The following ATP13A3 variants were observed in gnomAD, a reference collection of about 807,000 sequenced individuals.
ATP13A3 encodes polyamine-transporting ATPase 13A3.
In ATP13A3, 59 loss-of-function variants were observed where a neutral mutation model predicts 158.1. The observed-to-expected ratio is 0.37, with a 90% confidence interval of 0.30 to 0.46. The LOEUF (loss-of-function observed/expected upper bound fraction) is 0.46, where lower values mean the gene tolerates loss of function less well. Ranked by LOEUF, ATP13A3 falls within the 20% of genes least tolerant of loss-of-function variation. The pLI, the probability that ATP13A3 is intolerant of heterozygous loss-of-function variation, is 1.00. For synonymous variants in ATP13A3, 491 were observed against 504.3 expected (o/e 0.97, Z 0.35); for missense variants, 1,166 against 1,525.2 (o/e 0.76, Z 3.92).
At chr3:194,419,135 T>C (rs1430556185) in intron 31 of ATP13A3, among the ~76,000 whole-genome samples, 2 of 152,032 alleles carry the variant, frequency 1.3e-5, no homozygotes, top group South Asian at 2.1e-4. Flanking sequence ...GAAAATAAAA[T>C]AATGTATCAA....
rs181205045 is a variant in ATP13A3 at position 194,456,974 on chromosome 3, C to T, written c.560+120G>A. 411 of 558,132 alleles carry T rather than the reference C, an allele frequency of 7.4e-4. 2 individuals are homozygous for T. The African/African-American group carries it at 7.6e-3, about 10-fold the overall frequency. The allele number at this position is 558,132 out of a possible 1,614,324, so 34.6% of individuals were successfully genotyped here. Reference sequence around the variant, plus strand: ...TAAAACATCAATAAATTCTCAACTACTATGTCTGTAATATTTAAGTATCTG... The same window carrying T: ...TAAAACATCAATAAATTCTCAACTATTATGTCTGTAATATTTAAGTATCTG... On this transcript the variant is annotated intron_variant, in intron 7 of 33. Transcript: ENST00000645319.
At position 194,494,041 on chromosome 3, in the gene ATP13A3, A is replaced by G. The variant is rs1301898165; in HGVS notation, n.746+9T>C. On this transcript the variant is annotated intron_variant and non_coding_transcript_variant, in intron 2 of 32. Transcript: ENST00000687055. This position sits in a 1 kb window ranked among gnomAD's most constrained non-coding sequence, Gnocchi z 4.2. ...TACAGAATGGAAAAAGAGGTGTTCA[A>G]TAACTCACCCGAAAGCACAGCCAGG... The G allele has an allele frequency of 7.5e-6, 3 of 397,706 alleles. No individual in the cohort carries two copies. The highest frequency in any genetic ancestry group is 4.4e-5 in the Admixed American group (1 of 22,714). The allele number at this position is 397,706 out of a possible 1,614,324, so 24.6% of individuals were successfully genotyped here.
In ATP13A3 at chr3:194,413,840, C is replaced by G; in HGVS notation, c.3403-1G>C. The G allele has an allele frequency of 1.2e-6, 2 of 1,612,216 alleles. No homozygotes were observed. Among genetic ancestry groups the G allele is most frequent in the Non-Finnish European group, 1.7e-6 (2 of 1,178,376 alleles). On this transcript the variant is annotated splice_acceptor_variant, in intron 31 of 33. Coordinates refer to ENST00000645319, the MANE Select transcript of ATP13A3 (RefSeq NM_001367549.1). LOFTEE classifies it high-confidence loss of function. ...GCCACTGATATGGTACACACACTAT[C>G]TGTAATGCAAAAACATTTTAAAGTT... is the stretch of plus-strand genomic sequence containing the variant.
In ATP13A3 at chr3:194,465,727, G is replaced by A. The variant is rs936408141; in HGVS notation, c.-46-3491C>T. On this transcript the variant is annotated intron_variant, in intron 2 of 33. Coordinates refer to ENST00000645319, the MANE Select transcript of ATP13A3 (RefSeq NM_001367549.1). Reference sequence around the variant, plus strand: ...GTTTGTAATCCCAGCTCTTTGGGAGGCTGGTGCGGGCAGATCACCTGAGGC... The same window carrying A: ...GTTTGTAATCCCAGCTCTTTGGGAGACTGGTGCGGGCAGATCACCTGAGGC... Among the ~76,000 whole-genome samples the A allele has an allele frequency of 3.3e-5, 5 of 152,182 alleles. No homozygotes were observed. The East Asian group carries it at 9.6e-4, about 29-fold the overall frequency.
chr3:194,435,489 G>A (rs766078701), intron 20 of ATP13A3, among the ~76,000 whole-genome samples: 6 of 152,114 alleles, frequency 3.9e-5, no homozygotes, highest in Non-Finnish European at 7.4e-5. Context: ...AGAGGTCTCG[G>A]TGGAAGAGTA....
intron 30 of ATP13A3, 117 bp downstream of exon 30, chr3:194,425,225 G>A: frequency 1.0e-6 from 1 of 994,760 alleles, no homozygotes; most frequent in Non-Finnish European, 1.5e-6. Context: ...AAATCACTAA[G>A]TTGATTCTAT....
chr3:194,466,522 T>G (rs1004122479), intron 2 of ATP13A3, among the ~76,000 whole-genome samples: 1 of 152,180 alleles, frequency 6.6e-6, no homozygotes, highest in Admixed American at 6.5e-5. Flanking sequence ...AAATTAAAAT[T>G]TTTTAAATTA....
chr3:194,445,160 C>T (rs1318743208), intron 14 of ATP13A3, among the ~76,000 whole-genome samples: 1 of 151,990 alleles, frequency 6.6e-6, no homozygotes, highest in Non-Finnish European at 1.5e-5. Flanking sequence ...ATAAGGAGGG[C>T]CAAGAGGAAC....
intron 30 of ATP13A3, among the ~76,000 whole-genome samples, chr3:194,420,627 G>C (rs1716222258): frequency 6.6e-6 from 1 of 151,986 alleles, no homozygotes; most frequent in East Asian, 1.9e-4. Context: ...ATGGGAGCTG[G>C]GAATGGCAAA....
intron 21 of ATP13A3, among the ~76,000 whole-genome samples, chr3:194,433,336 C>T (rs1259181954): frequency 6.6e-6 from 1 of 150,566 alleles, no homozygotes; most frequent in African/African-American, 2.4e-5. Context: ...CTCCGCTTCC[C>T]GGGTTCACGC....
intron 33 of ATP13A3, among the ~76,000 whole-genome samples, chr3:194,407,750 A>C (rs1361643914): frequency 6.6e-6 from 1 of 152,224 alleles, no homozygotes; most frequent in Non-Finnish European, 1.5e-5. Context: ...TTTTACTGTC[A>C]TAACTAAAGA....
intron 31 of ATP13A3, among the ~76,000 whole-genome samples, chr3:194,418,622 C>T (rs776842058): frequency 6.6e-6 from 1 of 152,134 alleles, no homozygotes; most frequent in Non-Finnish European, 1.5e-5. Context: ...CATGATATAA[C>T]ATTTTACACC....
upstream of ATP13A3, among the ~76,000 whole-genome samples, chr3:194,487,166 G>A (rs1013762918): frequency 6.6e-6 from 1 of 152,294 alleles, no homozygotes; most frequent in African/African-American, 2.4e-5. Flanking sequence ...AAGAAAGAAA[G>A]AGGCAGGTAA....
At chr3:194,471,324 TAAA>T (rs59967046) in intron 2 of ATP13A3, among the ~76,000 whole-genome samples, 6,550 of 88,190 alleles carry the variant, frequency 0.074, 432 homozygotes, top group African/African-American at 0.19. Flanking sequence ...CAGCAAATTC[TAAA>T]AAAAAAAAAA....
chr3:194,408,565 G>C (rs1715122875), intron 33 of ATP13A3, among the ~76,000 whole-genome samples: 1 of 152,130 alleles, frequency 6.6e-6, no homozygotes, highest in African/African-American at 2.4e-5. Flanking sequence ...TAATTTATTT[G>C]CAAATAGAAC....
chr3:194,489,148 CA>C (rs1721116644), upstream of ATP13A3, among the ~76,000 whole-genome samples: 3 of 152,208 alleles, frequency 2.0e-5, no homozygotes, highest in African/African-American at 4.8e-5. The surrounding 1 kb of genome is among the most constrained non-coding windows in gnomAD (Gnocchi z 4.1). Context: ...TAATAAGCCT[CA>C]AATTCCTATG....
At chr3:194,447,684 T>A (rs995110784) in intron 13 of ATP13A3, among the ~76,000 whole-genome samples, 168 bp downstream of exon 13, 24 of 152,136 alleles carry the variant, frequency 1.6e-4, no homozygotes, top group African/African-American at 5.6e-4. Context: ...CTGGGCTTTC[T>A]AATATCATAG....
chr3:194,450,275 T>A lies in ATP13A3; in HGVS notation c.840A>T (p.Glu280Asp), dbSNP rs763802985. 1.2e-5 allele frequency: 19 copies of A among 1,610,702 alleles called. No individual in the cohort carries two copies. Among genetic ancestry groups the A allele is most frequent in the Admixed American group, 1.2e-4 (7 of 59,606 alleles). Residue 280 changes from glutamate to aspartate, a missense_variant and splice_region_variant, in exon 11 of 34, where the codon GAA (glutamate) becomes GAT (aspartate). Glu to Asp is a conservative substitution (Grantham distance 45, BLOSUM62 2). Coordinates refer to ENST00000645319, the MANE Select transcript of ATP13A3 (RefSeq NM_001367549.1). ...GGTCGGTAGAAAAGATTTCTTCTAT[T>A]TCTGAAATTAAAGAAAGAAAGAAAA... The part of the protein sequence containing the change: ...VRVSVCRVNE[E>D]IEEIFSTDLV...
At chr3:194,449,414 T>C (rs1718643736) in intron 11 of ATP13A3, among the ~76,000 whole-genome samples, 1 of 152,222 alleles carries the variant, frequency 6.6e-6, no homozygotes, top group African/African-American at 2.4e-5. Flanking sequence ...GCACAGTGGC[T>C]CACGCCTGTA....
Sources: gnomAD v4.1 joint callset for allele counts (sites outside exome capture counted in the v4.1 genomes callset) on GRCh38, gnomAD v4.1.1 for gene constraint, Gnocchi (gnomAD v3.1) non-coding constraint, MANE v1.5 for transcripts, NCBI Gene and HGNC (gene_info 2026-07-23, HGNC 2026-07-21) for gene names.